Variants in TJP1 observed in about 807,000 individuals in gnomAD.
TJP1 encodes tight junction protein 1, also known as tight junction protein ZO-1.
TJP1 carries 43 observed loss-of-function variants against 194.2 expected under a neutral mutation model. The ratio of observed to expected loss-of-function variants is 0.22; its 90% CI spans 0.17 to 0.29. The LOEUF (loss-of-function observed/expected upper bound fraction) is 0.29. Ranked by LOEUF, TJP1 falls within the 10% of genes least tolerant of loss-of-function variation. TJP1 has a pLI of 1.00. For synonymous variants in TJP1, 801 were observed against 779.0 expected (o/e 1.03, Z -0.47); for missense variants, 1,971 against 2,185.7 (o/e 0.90, Z 1.96).
chr15:29,873,955 C>T (rs1376997391), intron 2 of TJP1, among the ~76,000 whole-genome samples: 1 of 152,188 alleles, frequency 6.6e-6, no homozygotes, highest in Non-Finnish European at 1.5e-5. Context: ...TTTTACCCAA[C>T]AGGCTCAAAA....
chr15:29,825,995 C>T (rs551150532), upstream of TJP1, among the ~76,000 whole-genome samples: 6 of 152,094 alleles, frequency 3.9e-5, no homozygotes, highest in Non-Finnish European at 8.8e-5. Context: ...GGAGTACCAA[C>T]TTTTTAATCT....
At chr15:29,949,532 TCCACCACCA>T (rs2055503156) in intron 2 of TJP1, among the ~76,000 whole-genome samples, 20 of 17,740 alleles carry the variant, frequency 1.1e-3, no homozygotes, top group East Asian at 2.9e-3. Context: ...CACCACCACC[TCCACCACCA>T]CCACCTCCAC....
intron 2 of TJP1, among the ~76,000 whole-genome samples, chr15:29,929,003 G>T (rs558540597): frequency 6.6e-6 from 1 of 152,114 alleles, no homozygotes; most frequent in South Asian, 2.1e-4. Flanking sequence ...ATCAAGTAGA[G>T]AGAAGCTGAA....
chr15:29,916,232 C>T, intron 2 of TJP1, among the ~76,000 whole-genome samples: 1 of 131,670 alleles, frequency 7.6e-6, no homozygotes, highest in South Asian at 2.5e-4. Context: ...AAGAGCAAGA[C>T]TCTGTCTCAA....
chr15:29,947,502 G>A (rs948787135), intron 2 of TJP1, among the ~76,000 whole-genome samples: 2 of 152,142 alleles, frequency 1.3e-5, no homozygotes, highest in Non-Finnish European at 1.5e-5. Context: ...GAGGTCTGGC[G>A]GAGCAGACCC....
intron 2 of TJP1, among the ~76,000 whole-genome samples, chr15:29,942,973 C>G (rs1053448880): frequency 2.0e-5 from 3 of 152,132 alleles, no homozygotes; most frequent in Admixed American, 6.5e-5. Context: ...ATATGCTGCA[C>G]ACATACCAAG....
chr15:29,803,582 C>A (rs1595952361), intron 1 of TJP1, among the ~76,000 whole-genome samples: 1 of 152,240 alleles, frequency 6.6e-6, no homozygotes, highest in East Asian at 1.9e-4. Context: ...TGAGAAGCAT[C>A]TGTATCTGTT....
At chr15:29,733,452 T>C (rs1012578754) in intron 12 of TJP1, 139 bp from the exon 13 acceptor site, 8 of 667,686 alleles carry the variant, frequency 1.2e-5, no homozygotes, top group African/African-American at 1.8e-5. Context: ...TACTGTATTA[T>C]TTCATGTATT....
At chr15:29,900,567 T>C (rs575147908) in intron 2 of TJP1, among the ~76,000 whole-genome samples, 1 of 152,260 alleles carries the variant, frequency 6.6e-6, no homozygotes, top group Non-Finnish European at 1.5e-5. Flanking sequence ...AGGGACTGGA[T>C]ACATGCAGAG....
At chr15:29,788,818 A>C (rs1333036900) in intron 2 of TJP1, among the ~76,000 whole-genome samples, 1 of 152,218 alleles carries the variant, frequency 6.6e-6, no homozygotes, top group Non-Finnish European at 1.5e-5. Context: ...AATTAGAAAA[A>C]TGTATGCATT....
intron 2 of TJP1, among the ~76,000 whole-genome samples, chr15:29,918,250 T>C (rs78379914): frequency 0.014 from 2,133 of 152,358 alleles, 51 homozygotes; most frequent in African/African-American, 0.048. Flanking sequence ...CCTGGGTTGC[T>C]TCCACCTTTT....
intron 4 of TJP1, among the ~76,000 whole-genome samples, 195 bp downstream of exon 4, chr15:29,771,869 G>A (rs1233248616): frequency 6.6e-6 from 1 of 151,190 alleles, no homozygotes; most frequent in Admixed American, 6.6e-5. Flanking sequence ...AAAAAATCCT[G>A]GTATCTAAAC....
At chr15:29,767,794 G>A (rs907384403) in intron 4 of TJP1, among the ~76,000 whole-genome samples, 3 of 151,750 alleles carry the variant, frequency 2.0e-5, no homozygotes, top group Non-Finnish European at 2.9e-5. Flanking sequence ...TTTTTTCAGT[G>A]TCTCATTTAT....
chr15:29,730,221 T>C (rs2151228057), intron 15 of TJP1, among the ~76,000 whole-genome samples: 2 of 152,226 alleles, frequency 1.3e-5, no homozygotes, highest in East Asian at 3.9e-4. Flanking sequence ...TGGTGATATG[T>C]GTAAAAATTA....
At chr15:29,791,902 AT>A (rs1426373853) in intron 2 of TJP1, among the ~76,000 whole-genome samples, 1 of 152,020 alleles carries the variant, frequency 6.6e-6, no homozygotes, top group Non-Finnish European at 1.5e-5. Flanking sequence ...CCTGTTGACC[AT>A]TTACCCATAT....
intron 16 of TJP1, 132 bp from the exon 17 acceptor site, chr15:29,727,123 C>T (rs2043289559): frequency 4.2e-6 from 3 of 714,548 alleles, no homozygotes; most frequent in East Asian, 2.7e-5. Context: ...GTGGGTGAAT[C>T]ACTTGAGGCC....
chr15:29,848,161 G>A (rs2051491141), intron 2 of TJP1, among the ~76,000 whole-genome samples: 1 of 150,752 alleles, frequency 6.6e-6, no homozygotes, highest in African/African-American at 2.4e-5. Flanking sequence ...AATGTTCCAT[G>A]AGTGCTTGAA....
chr15:29,923,253 T>C (rs560543160), intron 2 of TJP1, among the ~76,000 whole-genome samples: 45 of 152,344 alleles, frequency 3.0e-4, no homozygotes, highest in African/African-American at 8.4e-4. Flanking sequence ...TAGGAAAGAC[T>C]TATCCACTAA....
At position 29,947,864 on chromosome 15, in the gene TJP1, C is replaced by T. The variant is rs768535614; in HGVS notation, c.306+8368G>A. Among the ~76,000 whole-genome samples, 86 of 152,310 alleles carry T rather than the reference C, an allele frequency of 5.6e-4. 2 individuals carry two copies. The highest frequency in any genetic ancestry group is 2.5e-3 in the South Asian group (12 of 4,818). ...AAAACGAGGGCAGCCTGGAACAGTG[C>T]GGAAGGCTGGTCTCTGGGAACATCA... On this transcript the variant is annotated intron_variant, in intron 2 of 28. Coordinates refer to the TJP1 transcript ENST00000356107.
Sources: allele counts gnomAD v4.1 joint callset (sites outside exome capture counted in the v4.1 genomes callset), GRCh38; gene constraint gnomAD v4.1.1; transcripts MANE v1.5; gene names NCBI Gene and HGNC (gene_info 2026-07-23, HGNC 2026-07-21).